The following SERPING1 variants were observed in gnomAD, a reference collection of about 807,000 sequenced individuals.
The protein encoded by SERPING1 is plasma protease C1 inhibitor.
Under a neutral mutation model 34.1 loss-of-function variants are expected in SERPING1, and 5 were observed. The observed-to-expected ratio is 0.15, with a 90% CI of 0.08 to 0.31. The LOEUF is 0.31. Among genes scored for constraint, SERPING1 ranks in the 10% least tolerant of loss-of-function variants. The probability of loss-of-function intolerance (pLI) is 1.00; values close to 1 mark genes in which losing one functional copy is unlikely to be tolerated. For synonymous variants in SERPING1, 225 were observed against 242.4 expected, an observed-to-expected ratio of 0.93 and a Z score of 0.67; for missense variants, 505 against 609.5, an observed-to-expected ratio of 0.83 and a Z score of 1.81.
intron 4 of SERPING1, among the ~76,000 whole-genome samples, chr11:57,603,610 G>A (rs1945375058): frequency 6.6e-6 from 1 of 151,656 alleles, no homozygotes; most frequent in African/African-American, 2.4e-5. Context: ...AGGCTGAGGC[G>A]GGCGGACCAC....
At position 57,603,200 on chromosome 11, in the gene SERPING1, C is replaced by T. The variant is rs574173396; in HGVS notation, c.685+1031C>T. ...AGTGAGCTGAGATCATGCCACTTCA[C>T]TCCAGCCTGAGTGAAACAGCAAAAC... On this transcript the variant is annotated intron_variant, in intron 4 of 7. Transcript: ENST00000278407. Among the ~76,000 whole-genome samples, 74 of 149,714 alleles carry T rather than the reference C, an allele frequency of 4.9e-4. 1 individual carries two copies. The South Asian group carries it at 0.016, about 31-fold the overall frequency.
chr11:57,606,359 A>T, intron 5 of SERPING1, 49 bp from the exon 6 acceptor site: 1 of 1,611,706 alleles, frequency 6.2e-7, no homozygotes, highest in East Asian at 2.2e-5. Context: ...GCTCCTCTTC[A>T]TCCTTTTCCT....
intron 2 of SERPING1, 72 bp from the exon 3 acceptor site, chr11:57,599,807 C>A: frequency 6.2e-7 from 1 of 1,608,164 alleles, no homozygotes; most frequent in Non-Finnish European, 8.5e-7. Flanking sequence ...ACCTTCTCTT[C>A]CTGCTTTGAG....
chr11:57,611,125 G>A (rs1203923576), intron 6 of SERPING1: 1 of 155,008 alleles, frequency 6.5e-6, no homozygotes, highest in Non-Finnish European at 1.4e-5. Flanking sequence ...TAGAGGTGGG[G>A]TTTCATCATG....
chr11:57,608,164 A>G (rs1945433197), intron 6 of SERPING1, among the ~76,000 whole-genome samples: 1 of 152,110 alleles, frequency 6.6e-6, no homozygotes, highest in East Asian at 1.9e-4. Context: ...GGGAGGTATA[A>G]ATATGAGATT....
intron 4 of SERPING1, among the ~76,000 whole-genome samples, chr11:57,603,689 C>G (rs913847430): frequency 4.1e-5 from 6 of 147,688 alleles, no homozygotes; most frequent in Non-Finnish European, 9.0e-5. Context: ...AAATACAAAA[C>G]TTAGCCGGGC....
At chr11:57,605,909 G>A (rs1236723185) in intron 4 of SERPING1, 101 bp from the exon 5 acceptor site, 1 of 1,102,872 alleles carries the variant, frequency 9.1e-7, no homozygotes, top group Non-Finnish European at 1.4e-6. Flanking sequence ...TTCACTAAGT[G>A]AGCAGATAGA....
At chr11:57,598,739 G>A (rs1945315036) in intron 2 of SERPING1, among the ~76,000 whole-genome samples, 1 of 152,162 alleles carries the variant, frequency 6.6e-6, no homozygotes, top group African/African-American at 2.4e-5. Flanking sequence ...GGAGAGGTTT[G>A]GCTGCTGTGA....
intron 2 of SERPING1, among the ~76,000 whole-genome samples, chr11:57,599,174 G>A (rs1243422549): frequency 6.6e-6 from 1 of 152,062 alleles, no homozygotes; most frequent in Non-Finnish European, 1.5e-5. Context: ...TTGCTGAGGG[G>A]CTACCCTGCG....
At chr11:57,610,325 G>A (rs1032364340) in intron 6 of SERPING1, among the ~76,000 whole-genome samples, 9 of 152,172 alleles carry the variant, frequency 5.9e-5, no homozygotes, top group Non-Finnish European at 1.3e-4. Flanking sequence ...GGTACACCGA[G>A]GTTACTGGCT....
chr11:57,602,265 G>T, intron 4 of SERPING1, 96 bp downstream of exon 4: 1 of 1,437,086 alleles, frequency 7.0e-7, no homozygotes, highest in Non-Finnish European at 9.7e-7. Flanking sequence ...CAGAGGGAAT[G>T]TTGGAGCTAC....
chr11:57,605,575 T>G, intron 4 of SERPING1: 1 of 213,702 alleles, frequency 4.7e-6, no homozygotes, highest in Non-Finnish European at 9.2e-6. Flanking sequence ...AAATTATCTT[T>G]CAAGTGCTTT....
intron 6 of SERPING1, among the ~76,000 whole-genome samples, chr11:57,609,808 C>G (rs1340570371): frequency 6.6e-6 from 1 of 152,104 alleles, no homozygotes; most frequent in East Asian, 1.9e-4. Context: ...CTCTATCACC[C>G]AGTCTGGAGT....
chr11:57,610,935 C>CT (rs964430873), intron 6 of SERPING1, among the ~76,000 whole-genome samples: 8 of 149,734 alleles, frequency 5.3e-5, no homozygotes, highest in Admixed American at 1.3e-4. Context: ...AGTCCTTCTT[C>CT]TTTTTTTTTT....
At chr11:57,613,555 T>C (rs928786682) in intron 7 of SERPING1, among the ~76,000 whole-genome samples, 1 of 152,214 alleles carries the variant, frequency 6.6e-6, no homozygotes, top group Non-Finnish European at 1.5e-5. Flanking sequence ...AAGAGATACA[T>C]AGGGCAAAAT....
intron 4 of SERPING1, among the ~76,000 whole-genome samples, chr11:57,603,714 C>T (rs1945376012): frequency 6.6e-6 from 1 of 150,830 alleles, no homozygotes; most frequent in Admixed American, 6.6e-5. Context: ...TGGCAGGCGC[C>T]TGTGGTCCCA....
In SERPING1 at chr11:57,597,733, T is replaced by C. The variant is rs1945303545; in HGVS notation, c.-23+11T>C. The C allele has an allele frequency of 6.7e-6, 1 of 150,216 alleles. No homozygotes were observed. The highest frequency in any genetic ancestry group is 2.5e-5 in the African/African-American group (1 of 40,680). The allele number at this position is 150,216 out of a possible 1,614,324, so 9.3% of individuals were successfully genotyped here. A position where few individuals can be genotyped will look rare whatever the true frequency, so the allele number is the denominator to read the frequency against. ...GACCAGAAGTTTGGAGTAGGTTTGGTGCTGGGCAGGGGTGGGGAGTAGGGT... is the reference window on the plus strand; with the variant it reads ...GACCAGAAGTTTGGAGTAGGTTTGGCGCTGGGCAGGGGTGGGGAGTAGGGT... On this transcript the variant is annotated intron_variant, in intron 1 of 7. Transcript: ENST00000278407.
chr11:57,612,267 C>T (rs941324164), intron 7 of SERPING1, among the ~76,000 whole-genome samples: 12 of 152,220 alleles, frequency 7.9e-5, no homozygotes, highest in African/African-American at 1.2e-4. Context: ...GACAGGTAAC[C>T]GAGGTGAATT....
intron 4 of SERPING1, among the ~76,000 whole-genome samples, chr11:57,604,512 C>A (rs1042511513): frequency 2.0e-5 from 3 of 152,000 alleles, no homozygotes; most frequent in African/African-American, 7.2e-5. Context: ...AACGGACCAG[C>A]TGGGCTCTGA....
Sources: gnomAD v4.1 joint callset for allele counts (sites outside exome capture counted in the v4.1 genomes callset) on GRCh38, gnomAD v4.1.1 for gene constraint, MANE v1.5 for transcripts, NCBI Gene and HGNC (gene_info 2026-07-23, HGNC 2026-07-21) for gene names.